ANKS1B: variants seen among roughly 807,000 people sequenced by gnomAD.
ANKS1B encodes the protein ankyrin repeat and sterile alpha motif domain-containing protein 1B.
Under a neutral mutation model 148.3 loss-of-function variants are expected in ANKS1B, and 36 were observed. The observed-to-expected ratio is 0.24, with a 90% confidence interval of 0.19 to 0.32. The LOEUF (loss-of-function observed/expected upper bound fraction) is 0.32, where lower values mean the gene tolerates loss of function less well. Among genes scored for constraint, ANKS1B ranks in the 10% least tolerant of loss-of-function variants. ANKS1B has a pLI of 1.00. For missense variants in ANKS1B, 1,157 were observed against 1,542.6 expected, an observed-to-expected ratio of 0.75 and a Z score of 4.19; for synonymous variants, 542 against 560.8, an observed-to-expected ratio of 0.97 and a Z score of 0.47.
At chr12:99,227,526 G>A (rs959565884) in intron 14 of ANKS1B, among the ~76,000 whole-genome samples, 1 of 152,218 alleles carries the variant, frequency 6.6e-6, no homozygotes, top group African/African-American at 2.4e-5. Flanking sequence ...CAAAAGTCAG[G>A]AGCCTGTGGG....
chr12:99,711,431 C>T (rs1308386104), intron 8 of ANKS1B, among the ~76,000 whole-genome samples: 1 of 151,994 alleles, frequency 6.6e-6, no homozygotes, highest in East Asian at 1.9e-4. Context: ...TGATCCTCTC[C>T]ACCCTTCCAG....
chr12:99,421,292 A>C (rs768873732), intron 11 of ANKS1B, among the ~76,000 whole-genome samples: 4 of 152,202 alleles, frequency 2.6e-5, no homozygotes, highest in Non-Finnish European at 4.4e-5. Flanking sequence ...TACAGAGGTG[A>C]AGGTTGAAGG....
At chr12:99,702,241 G>A (rs1211240389) in intron 8 of ANKS1B, among the ~76,000 whole-genome samples, 1 of 152,014 alleles carries the variant, frequency 6.6e-6, no homozygotes, top group Non-Finnish European at 1.5e-5. Context: ...TTTTAACTGG[G>A]GTGAGAGGAT....
At chr12:99,375,303 G>T (rs2093346054) in intron 12 of ANKS1B, among the ~76,000 whole-genome samples, 1 of 152,172 alleles carries the variant, frequency 6.6e-6, no homozygotes, top group African/African-American at 2.4e-5. Flanking sequence ...CTGGGAGGAA[G>T]GGGTAAAATC....
chr12:99,462,323 T>C (rs1036185472), intron 10 of ANKS1B, among the ~76,000 whole-genome samples: 2 of 152,162 alleles, frequency 1.3e-5, no homozygotes, highest in African/African-American at 4.8e-5. Flanking sequence ...CACAAGTGTA[T>C]AATAGTCCTG....
chr12:99,873,885 C>T (rs183161964), intron 1 of ANKS1B, among the ~76,000 whole-genome samples: 1 of 152,112 alleles, frequency 6.6e-6, no homozygotes, highest in East Asian at 1.9e-4. Context: ...CAGCAGACCA[C>T]CTTTGGACTG....
chr12:98,773,323 A>G, intron 24 of ANKS1B, 144 bp from the exon 25 acceptor site: 1 of 872,882 alleles, frequency 1.1e-6, no homozygotes, highest in Non-Finnish European at 1.7e-6. Flanking sequence ...CCACTATATT[A>G]TTTGTGGGTA....
At chr12:99,258,873 G>A (rs1188098201) in intron 12 of ANKS1B, among the ~76,000 whole-genome samples, 4 of 152,064 alleles carry the variant, frequency 2.6e-5, no homozygotes, top group Non-Finnish European at 2.9e-5. Context: ...CAATTTTCTG[G>A]AAAGGAATTT....
At chr12:99,580,561 G>C (rs77733921) in intron 9 of ANKS1B, among the ~76,000 whole-genome samples, 1 of 152,106 alleles carries the variant, frequency 6.6e-6, no homozygotes, top group African/African-American at 2.4e-5. Flanking sequence ...TGATCTCATA[G>C]GGGTAGAATG....
intron 10 of ANKS1B, among the ~76,000 whole-genome samples, chr12:99,489,265 C>CA (rs2096532875): frequency 2.7e-5 from 4 of 147,370 alleles, no homozygotes; most frequent in Admixed American, 1.4e-4. Context: ...AAAAAAAGTA[C>CA]CCACAAATGT....
rs150147801 is a variant in ANKS1B at position 99,602,681 on chromosome 12, A to C, written c.1272+52386T>G. Among the ~76,000 whole-genome samples the C allele has an allele frequency of 1.9e-3, 294 of 152,226 alleles. 2 individuals carry two copies. Among genetic ancestry groups the C allele is most frequent in the Non-Finnish European group, 3.8e-3 (255 of 67,998 alleles). On this transcript the variant is annotated intron_variant, in intron 9 of 26. Coordinates refer to ENST00000683438, the MANE Select transcript of ANKS1B (RefSeq NM_001352186.2). ...GGTGATTTCCCTGAAGTCTACATCA[A>C]GTCATCAAGCTTTGGCTAATTTTAG...
chr12:99,648,566 A>G (rs779840518), intron 9 of ANKS1B: 2 of 1,614,218 alleles, frequency 1.2e-6, no homozygotes, highest in Middle Eastern at 1.6e-4. Flanking sequence ...ATAACCATCC[A>G]CAACAGCGTA....
chr12:99,431,225 T>G (rs1486424484), intron 11 of ANKS1B, among the ~76,000 whole-genome samples: 1 of 152,266 alleles, frequency 6.6e-6, no homozygotes, highest in Non-Finnish European at 1.5e-5. Context: ...ATACTTATTT[T>G]TCCTTTCCTC....
At chr12:99,671,935 A>T (rs73143665) in intron 8 of ANKS1B, among the ~76,000 whole-genome samples, 23,195 of 151,986 alleles carry the variant, frequency 0.15, 2,485 homozygotes, top group East Asian at 0.46. Flanking sequence ...CACCCCAAAT[A>T]ATCTTTAATA....
intron 8 of ANKS1B, among the ~76,000 whole-genome samples, chr12:99,743,601 T>C (rs1422300058): frequency 6.6e-6 from 1 of 152,234 alleles, no homozygotes; most frequent in African/African-American, 2.4e-5. Context: ...GGTACCTTTA[T>C]GCTGAATAAT....
intron 8 of ANKS1B, among the ~76,000 whole-genome samples, chr12:99,669,621 T>C (rs1002453378): frequency 6.6e-6 from 1 of 152,164 alleles, no homozygotes; most frequent in African/African-American, 2.4e-5. Context: ...TTTTTCTGTT[T>C]ATGTATCTCC....
intron 9 of ANKS1B, among the ~76,000 whole-genome samples, chr12:99,569,738 G>T (rs2097432361): frequency 6.6e-6 from 1 of 152,158 alleles, no homozygotes; most frequent in African/African-American, 2.4e-5. Flanking sequence ...TGCCTCCAGT[G>T]ACTGATCAAA....
intron 15 of ANKS1B, among the ~76,000 whole-genome samples, chr12:99,131,303 G>C (rs1428647720): frequency 6.6e-6 from 1 of 152,180 alleles, no homozygotes; most frequent in East Asian, 1.9e-4. Flanking sequence ...CTTACTTAAT[G>C]CTTATTAAGA....
intron 15 of ANKS1B, chr12:99,097,577 C>T (rs976153445): frequency 6.6e-6 from 1 of 151,446 alleles, no homozygotes; most frequent in South Asian, 2.1e-4. Flanking sequence ...TTATAACAAC[C>T]AAAATAAAAA....
Sources: allele counts gnomAD v4.1 joint callset (sites outside exome capture counted in the v4.1 genomes callset), GRCh38; gene constraint gnomAD v4.1.1; transcripts MANE v1.5; gene names NCBI Gene and HGNC (gene_info 2026-07-23, HGNC 2026-07-21).